Variants in STK17B observed in about 807,000 individuals in gnomAD.
The protein encoded by STK17B is serine/threonine-protein kinase 17B.
STK17B carries 21 observed loss-of-function variants against 42.0 expected under a neutral mutation model. That is an observed-to-expected ratio of 0.50 (90% CI 0.35 to 0.72). The LOEUF is 0.72. Ranked by LOEUF, STK17B falls within the 30% of genes least tolerant of loss-of-function variation. STK17B has a pLI of 0.00. For synonymous variants in STK17B, 143 were observed against 148.4 expected (o/e 0.96, Z 0.26); for missense variants, 349 against 446.0 (o/e 0.78, Z 1.96).
intron 1 of STK17B, among the ~76,000 whole-genome samples, chr2:196,163,985 G>A (rs939547862): frequency 2.0e-5 from 3 of 151,948 alleles, no homozygotes; most frequent in African/African-American, 7.3e-5. Flanking sequence ...GTTGCAGTGA[G>A]CTATGAATGT....
At chr2:196,144,193 A>AT (rs146106606) in intron 4 of STK17B, among the ~76,000 whole-genome samples, 36,863 of 107,524 alleles carry the variant, frequency 0.34, 5,748 homozygotes, top group East Asian at 0.51. Context: ...AAATTAAAAA[A>AT]TTAAAAAAAA....
intron 2 of STK17B, among the ~76,000 whole-genome samples, chr2:196,162,414 CT>C (rs57918319): frequency 0.053 from 6,880 of 130,808 alleles, 439 homozygotes; most frequent in African/African-American, 0.16. Context: ...TCTTCTTCTT[CT>C]TTTTTTTTTT....
At position 196,141,243 on chromosome 2, in the gene STK17B, T is replaced by C; in HGVS notation, c.656+6A>G. The C allele has an allele frequency of 1.9e-6, 3 of 1,603,046 alleles. No homozygotes were observed. Among genetic ancestry groups the C allele is most frequent in the Non-Finnish European group, 2.6e-6 (3 of 1,173,098 alleles). On this transcript the variant is annotated splice_donor_region_variant and intron_variant, in intron 6 of 7. Coordinates refer to ENST00000263955, the MANE Select transcript of STK17B (RefSeq NM_004226.4). ...AAGATGTTTAAGGTAACTAACAACA[T>C]CTTACCACATATCTGTTGCTGTGGT...
In STK17B at chr2:196,145,682, G is replaced by A. The variant is rs570713265; in HGVS notation, c.480+229C>T. Among the ~76,000 whole-genome samples, 19 of 152,286 alleles carry A rather than the reference G, an allele frequency of 1.2e-4. No homozygotes were observed. The South Asian group carries it at 3.7e-3, about 30-fold the overall frequency. ...TAATGTAGGATTAGAACACAGGAAT[G>A]ATGCATTTTAAGAGCCCAGTAATTT... On this transcript the variant is annotated intron_variant, in intron 4 of 7. Coordinates refer to ENST00000263955, the MANE Select transcript of STK17B (RefSeq NM_004226.4).
chr2:196,142,809 C>T (rs761135133), intron 5 of STK17B, among the ~76,000 whole-genome samples: 3 of 152,170 alleles, frequency 2.0e-5, no homozygotes, highest in African/African-American at 4.8e-5. Context: ...CTAGCTGAGT[C>T]GCATCTGTTC....
chr2:196,164,526 A>G (rs988902579), intron 1 of STK17B, among the ~76,000 whole-genome samples: 2 of 152,218 alleles, frequency 1.3e-5, no homozygotes, highest in Admixed American at 1.3e-4. Flanking sequence ...ACTTATTGCT[A>G]TGCCTACTTA....
At chr2:196,168,656 A>G in intron 1 of STK17B, among the ~76,000 whole-genome samples, 1 of 148,876 alleles carries the variant, frequency 6.7e-6, no homozygotes, top group Admixed American at 6.6e-5. Flanking sequence ...AAACTAATAT[A>G]TATGTTTTAA....
chr2:196,140,023 T>C (rs1242315341), intron 6 of STK17B, among the ~76,000 whole-genome samples: 3 of 152,218 alleles, frequency 2.0e-5, no homozygotes, highest in Non-Finnish European at 4.4e-5. Flanking sequence ...ATAAATACAA[T>C]GTATTCAATA....
At chr2:196,144,012 G>A (rs899120280) in intron 4 of STK17B, among the ~76,000 whole-genome samples, 4 of 86,754 alleles carry the variant, frequency 4.6e-5, no homozygotes, top group African/African-American at 1.5e-4. Flanking sequence ...TGATGCGTAA[G>A]CTGAGACTTA....
intron 2 of STK17B, among the ~76,000 whole-genome samples, chr2:196,158,597 G>T (rs1227762889): frequency 2.0e-5 from 3 of 152,166 alleles, no homozygotes; most frequent in African/African-American, 7.2e-5. Context: ...AATTGAGTCA[G>T]AATAAGATTA....
intron 3 of STK17B, chr2:196,154,346 G>A (rs895392397): frequency 3.2e-4 from 49 of 152,208 alleles, no homozygotes; most frequent in African/African-American, 1.1e-3. Flanking sequence ...AGGAGAGCTA[G>A]AAGACTACAC....
At chr2:196,161,725 C>T (rs1274030816) in intron 2 of STK17B, among the ~76,000 whole-genome samples, 2 of 151,820 alleles carry the variant, frequency 1.3e-5, no homozygotes, top group African/African-American at 4.8e-5. Flanking sequence ...ACTATGTTGG[C>T]AAGGGTGGTC....
intron 2 of STK17B, among the ~76,000 whole-genome samples, chr2:196,162,394 C>A (rs1202303015): frequency 6.7e-6 from 1 of 150,358 alleles, no homozygotes; most frequent in Non-Finnish European, 1.5e-5. Flanking sequence ...GGGAGAATCT[C>A]CCTATTTCTT....
chr2:196,140,717 A>G (rs1186419053), intron 6 of STK17B, among the ~76,000 whole-genome samples: 2 of 150,936 alleles, frequency 1.3e-5, no homozygotes, highest in African/African-American at 4.9e-5. Flanking sequence ...GGTACGCGCC[A>G]CCACGTCCAG....
At chr2:196,159,696 G>A (rs1474031731) in intron 2 of STK17B, among the ~76,000 whole-genome samples, 1 of 152,148 alleles carries the variant, frequency 6.6e-6, no homozygotes, top group Non-Finnish European at 1.5e-5. Context: ...TTATTTATTT[G>A]TCAACGTTCA....
chr2:196,171,356 C>A lies in STK17B; in HGVS notation c.-68G>T, dbSNP rs1435924176. 1 of 152,474 alleles carries A rather than the reference C, an allele frequency of 6.6e-6. No homozygotes were observed. The highest frequency in any genetic ancestry group is 2.1e-4 in the South Asian group (1 of 4,836). The allele number at this position is 152,474 out of a possible 1,614,324, so 9.4% of individuals were successfully genotyped here. A position where few individuals can be genotyped will look rare whatever the true frequency, so the allele number is the denominator to read the frequency against. On this transcript the variant is annotated 5_prime_UTR_variant, in exon 1 of 8. Coordinates refer to ENST00000263955, the MANE Select transcript of STK17B (RefSeq NM_004226.4). Reference sequence around the variant, plus strand: ...ACCGCTCCGGCCGCCGCAGGTTCTCCCGGGACTGCCCCCTCCAGGGGGCCG... The same window carrying A: ...ACCGCTCCGGCCGCCGCAGGTTCTCACGGGACTGCCCCCTCCAGGGGGCCG...
intron 1 of STK17B, among the ~76,000 whole-genome samples, chr2:196,166,611 A>G (rs1433334481): frequency 6.6e-6 from 1 of 152,234 alleles, no homozygotes; most frequent in Non-Finnish European, 1.5e-5. Flanking sequence ...TACTACTACA[A>G]ATAATGGTAT....
At chr2:196,138,583 T>C (rs994679767) in intron 7 of STK17B, among the ~76,000 whole-genome samples, 1 of 144,898 alleles carries the variant, frequency 6.9e-6, no homozygotes. Context: ...TTTTTTTTGG[T>C]TTTTTTTTTT....
intron 5 of STK17B, among the ~76,000 whole-genome samples, chr2:196,142,184 A>C (rs1050512107): frequency 6.6e-6 from 1 of 152,042 alleles, no homozygotes; most frequent in Non-Finnish European, 1.5e-5. Flanking sequence ...TCAGCCTCCC[A>C]AGTAGGTGGG....
Sources: allele counts gnomAD v4.1 joint callset (sites outside exome capture counted in the v4.1 genomes callset), GRCh38; gene constraint gnomAD v4.1.1; transcripts MANE v1.5; gene names NCBI Gene and HGNC (gene_info 2026-07-23, HGNC 2026-07-21).